The following CLSTN2 variants were observed in gnomAD, a reference collection of about 807,000 sequenced individuals.
CLSTN2 encodes calsyntenin 2, also known as calsyntenin-2.
In CLSTN2, 48 loss-of-function variants were observed where a neutral mutation model predicts 101.2. The ratio of observed to expected loss-of-function variants is 0.47; its 90% CI spans 0.38 to 0.60. The LOEUF (loss-of-function observed/expected upper bound fraction) is 0.60. Ranked by LOEUF, CLSTN2 falls within the 20% of genes least tolerant of loss-of-function variation. The pLI, the probability that CLSTN2 is intolerant of heterozygous loss-of-function variation, is 0.00. For missense variants in CLSTN2, 1,160 were observed against 1,238.2 expected, an observed-to-expected ratio of 0.94 and a Z score of 0.95; for synonymous variants, 481 against 463.6, an observed-to-expected ratio of 1.04 and a Z score of -0.48.
At chr3:140,094,902 G>A (rs1048389609) in intron 1 of CLSTN2, among the ~76,000 whole-genome samples, 1 of 152,194 alleles carries the variant, frequency 6.6e-6, no homozygotes, top group Non-Finnish European at 1.5e-5. Context: ...GTTATAATAC[G>A]TCAAGGATCG....
At chr3:140,557,507 T>G (rs911896479) in intron 11 of CLSTN2, among the ~76,000 whole-genome samples, 1 of 152,144 alleles carries the variant, frequency 6.6e-6, no homozygotes. Flanking sequence ...AGAGAACAAA[T>G]TGGCCTGCGT....
At chr3:140,048,797 C>A (rs1052971043) in intron 1 of CLSTN2, among the ~76,000 whole-genome samples, 66 of 152,266 alleles carry the variant, frequency 4.3e-4, no homozygotes, top group African/African-American at 1.5e-3. Flanking sequence ...GAGGCCACAG[C>A]CCTCCAGCTG....
At chr3:140,368,624 C>G (rs1363126094) in intron 2 of CLSTN2, among the ~76,000 whole-genome samples, 1 of 152,164 alleles carries the variant, frequency 6.6e-6, no homozygotes, top group South Asian at 2.1e-4. Flanking sequence ...ACTTAGGCAT[C>G]CTTCCTGCTT....
intron 10 of CLSTN2, among the ~76,000 whole-genome samples, chr3:140,551,808 T>C (rs1935709328): frequency 6.7e-6 from 1 of 148,234 alleles, no homozygotes; most frequent in African/African-American, 2.5e-5. Flanking sequence ...ATATATTACA[T>C]ATAAATATAT....
At chr3:140,411,869 C>G (rs1478042327) in intron 4 of CLSTN2, among the ~76,000 whole-genome samples, 1 of 152,174 alleles carries the variant, frequency 6.6e-6, no homozygotes, top group Non-Finnish European at 1.5e-5. Flanking sequence ...GGTTTTAGTA[C>G]GTACAGATTC....
intron 8 of CLSTN2, among the ~76,000 whole-genome samples, chr3:140,511,187 A>T (rs554602063): frequency 6.6e-6 from 1 of 152,294 alleles, no homozygotes; most frequent in Non-Finnish European, 1.5e-5. Context: ...TGTCGCTGCA[A>T]AGGACATGAT....
At chr3:140,014,714 A>T (rs1207012265) in intron 1 of CLSTN2, among the ~76,000 whole-genome samples, 1 of 152,172 alleles carries the variant, frequency 6.6e-6, no homozygotes, top group Non-Finnish European at 1.5e-5. Context: ...TGGCTGGAGA[A>T]GAGTGAGGAA....
chr3:140,415,241 G>A (rs1373085982), intron 4 of CLSTN2, among the ~76,000 whole-genome samples: 1 of 151,978 alleles, frequency 6.6e-6, no homozygotes, highest in African/African-American at 2.4e-5. Flanking sequence ...AACCCTAGAA[G>A]AAAATACAGG....
At chr3:140,461,388 G>A (rs4683499) in intron 7 of CLSTN2, 57,245 of 152,178 alleles carry the variant, frequency 0.38, 12,952 homozygotes, top group Middle Eastern at 0.52. Context: ...CTAAGAATGT[G>A]CAGACAAATA....
intron 1 of CLSTN2, among the ~76,000 whole-genome samples, chr3:140,141,390 C>A (rs1198410358): frequency 6.6e-6 from 1 of 152,204 alleles, no homozygotes; most frequent in Non-Finnish European, 1.5e-5. Flanking sequence ...CAGGACCATG[C>A]TGGCACTACT....
At chr3:139,949,628 C>A (rs1359565078) in intron 1 of CLSTN2, among the ~76,000 whole-genome samples, 1 of 152,200 alleles carries the variant, frequency 6.6e-6, no homozygotes. Flanking sequence ...AGTGTGCACC[C>A]TTCCTGGATA....
intron 2 of CLSTN2, among the ~76,000 whole-genome samples, chr3:140,191,441 C>G (rs1202214255): frequency 6.6e-6 from 1 of 151,822 alleles, no homozygotes; most frequent in African/African-American, 2.4e-5. Flanking sequence ...GGAAGTGTCC[C>G]CTCCTGTTTT....
chr3:140,203,522 C>T (rs908205043), intron 2 of CLSTN2, among the ~76,000 whole-genome samples: 9 of 123,226 alleles, frequency 7.3e-5, no homozygotes, highest in East Asian at 2.6e-4. Context: ...TATGCACATC[C>T]TGTGCCATTT....
intron 2 of CLSTN2, among the ~76,000 whole-genome samples, chr3:140,265,841 G>C (rs2086689567): frequency 6.6e-6 from 1 of 152,166 alleles, no homozygotes; most frequent in South Asian, 2.1e-4. Flanking sequence ...GGCAGATAGA[G>C]GCATTTGTGT....
chr3:140,251,995 A>C (rs900473733), intron 2 of CLSTN2, among the ~76,000 whole-genome samples: 1 of 152,074 alleles, frequency 6.6e-6, no homozygotes, highest in Non-Finnish European at 1.5e-5. Flanking sequence ...CCTAGGGTAT[A>C]ACAAGCCATA....
Position 140,529,322 on chromosome 3 carries a change from T to A in CLSTN2, c.1345-3002T>A, listed in dbSNP as rs550912345. ...AGTACATCTGCAGGTGTCCAGAGAT[T>A]CATGTGTCTTTGGACTAGGCAAGGC... On this transcript the variant is annotated intron_variant, in intron 8 of 16. Coordinates refer to ENST00000458420, the MANE Select transcript of CLSTN2 (RefSeq NM_022131.3). Among the ~76,000 whole-genome samples the A allele has an allele frequency of 5.9e-5, 9 of 152,326 alleles. No homozygotes were observed. The East Asian group carries it at 1.7e-3, about 29-fold the overall frequency.
chr3:140,529,064 C>G (rs1041479166), intron 8 of CLSTN2, among the ~76,000 whole-genome samples: 1 of 152,210 alleles, frequency 6.6e-6, no homozygotes, highest in African/African-American at 2.4e-5. Context: ...AATTTGGCCA[C>G]TTATATAACA....
intron 1 of CLSTN2, among the ~76,000 whole-genome samples, chr3:140,126,116 C>T (rs990391721): frequency 7.2e-5 from 11 of 151,734 alleles, no homozygotes; most frequent in Non-Finnish European, 1.6e-4. Context: ...AGTGGGGCCA[C>T]GAAGTGGGAG....
chr3:140,392,579 T>C (rs80156754), intron 2 of CLSTN2, among the ~76,000 whole-genome samples: 10,613 of 152,202 alleles, frequency 0.07, 869 homozygotes, highest in African/African-American at 0.2. Context: ...CTTGGTCATA[T>C]TAGCCACATT....
Sources: allele counts gnomAD v4.1 joint callset (sites outside exome capture counted in the v4.1 genomes callset), GRCh38; gene constraint gnomAD v4.1.1; transcripts MANE v1.5; gene names NCBI Gene and HGNC (gene_info 2026-07-23, HGNC 2026-07-21).